FHIT: variants seen among roughly 807,000 people sequenced by gnomAD.
FHIT encodes fragile histidine triad diadenosine triphosphatase.
FHIT carries 19 observed loss-of-function variants against 17.9 expected under a neutral mutation model. The ratio of observed to expected loss-of-function variants is 1.06; its 90% confidence interval spans 0.74 to 1.56. FHIT has a LOEUF of 1.56. FHIT is among the 40% of genes most tolerant of loss of function. FHIT has a pLI of 0.00. For missense variants in FHIT, 248 were observed against 189.2 expected (o/e 1.31, Z -1.82); for synonymous variants, 81 against 69.7 (o/e 1.16, Z -0.81).
chr3:59,857,708 T>TTTTTTTTTTG (rs1553697973), intron 8 of FHIT, among the ~76,000 whole-genome samples: 2 of 145,222 alleles, frequency 1.4e-5, no homozygotes, highest in African/African-American at 5.2e-5. Flanking sequence ...GTGCTGGGTT[T>TTTTTTTTTTG]TTTTTTTTTT....
chr3:60,638,622 A>C (rs2039649047), intron 4 of FHIT, among the ~76,000 whole-genome samples: 1 of 152,156 alleles, frequency 6.6e-6, no homozygotes, highest in South Asian at 2.1e-4. Context: ...AGGTGATTCC[A>C]CTGTGGAGCA....
At chr3:60,545,170 C>A (rs1476343201) in intron 4 of FHIT, among the ~76,000 whole-genome samples, 2 of 150,732 alleles carry the variant, frequency 1.3e-5, no homozygotes, top group East Asian at 1.9e-4. Flanking sequence ...AACTTATATT[C>A]TTTTTACTGG....
intron 2 of FHIT, among the ~76,000 whole-genome samples, chr3:61,153,112 C>T (rs2037440721): frequency 7.0e-6 from 1 of 143,512 alleles, no homozygotes; most frequent in Non-Finnish European, 1.5e-5. Flanking sequence ...TACTGTACTC[C>T]AGCCTGGGTG....
At chr3:61,117,166 A>G (rs537904981) in intron 2 of FHIT, among the ~76,000 whole-genome samples, 16 of 152,322 alleles carry the variant, frequency 1.1e-4, no homozygotes, top group African/African-American at 3.8e-4. Flanking sequence ...ACAAATAGAA[A>G]ATGGAAGAGT....
At chr3:60,663,512 T>C (rs1362377317) in intron 4 of FHIT, among the ~76,000 whole-genome samples, 2 of 152,088 alleles carry the variant, frequency 1.3e-5, no homozygotes, top group Admixed American at 1.3e-4. Flanking sequence ...CTCGGCTCAC[T>C]GCAACCTCCA....
intron 4 of FHIT, among the ~76,000 whole-genome samples, chr3:60,559,869 G>A (rs180998): frequency 0.23 from 35,388 of 152,052 alleles, 4,552 homozygotes; most frequent in Non-Finnish European, 0.29. Context: ...TAAGATGTTG[G>A]AGTCTTCCTG....
chr3:61,096,297 C>T (rs1576004599), intron 2 of FHIT, among the ~76,000 whole-genome samples: 1 of 152,180 alleles, frequency 6.6e-6, no homozygotes, highest in Admixed American at 6.5e-5. Flanking sequence ...GACACAGGCA[C>T]AAAGTTCCTG....
At chr3:60,567,231 A>G (rs2107654493) in intron 4 of FHIT, among the ~76,000 whole-genome samples, 1 of 152,264 alleles carries the variant, frequency 6.6e-6, no homozygotes, top group East Asian at 1.9e-4. Context: ...TACAGTAACC[A>G]AAACAGCATG....
At chr3:59,978,612 A>G (rs529546641) in intron 7 of FHIT, among the ~76,000 whole-genome samples, 2 of 151,596 alleles carry the variant, frequency 1.3e-5, no homozygotes, top group South Asian at 4.2e-4. Flanking sequence ...GTAGAAGTTT[A>G]GAAACAACGG....
At chr3:60,092,049 G>A (rs900263941) in intron 5 of FHIT, among the ~76,000 whole-genome samples, 6 of 152,210 alleles carry the variant, frequency 3.9e-5, no homozygotes, top group South Asian at 2.1e-4. Flanking sequence ...CTGGTGAGTC[G>A]TAGAAGACAA....
intron 5 of FHIT, among the ~76,000 whole-genome samples, chr3:60,350,055 G>A (rs1357541539): frequency 6.6e-6 from 1 of 152,144 alleles, no homozygotes; most frequent in African/African-American, 2.4e-5. Flanking sequence ...CACCAGAAAT[G>A]CTGTAAGTAA....
At chr3:61,043,672 C>T (rs771642168) in intron 2 of FHIT, among the ~76,000 whole-genome samples, 1 of 152,214 alleles carries the variant, frequency 6.6e-6, no homozygotes, top group African/African-American at 2.4e-5. Flanking sequence ...AATGGACAGA[C>T]TGCCTCTTCA....
chr3:61,125,712 T>C (rs1399385492), intron 2 of FHIT, among the ~76,000 whole-genome samples: 2 of 152,232 alleles, frequency 1.3e-5, no homozygotes, highest in African/African-American at 4.8e-5. Context: ...TGTGCTCAAG[T>C]GTCCCCTTTT....
intron 5 of FHIT, among the ~76,000 whole-genome samples, chr3:60,309,482 A>G (rs532508567): frequency 1.3e-5 from 2 of 152,226 alleles, no homozygotes; most frequent in Non-Finnish European, 2.9e-5. Flanking sequence ...GATGACGACA[A>G]AACTTTTTGT....
intron 7 of FHIT, among the ~76,000 whole-genome samples, chr3:60,001,277 T>A (rs140217374): frequency 1.6e-3 from 240 of 152,320 alleles, no homozygotes; most frequent in African/African-American, 5.7e-3. Flanking sequence ...TAAACACTTA[T>A]TGGAGTAATA....
At chr3:60,930,297 TAG>T (rs1553771337) in intron 3 of FHIT, among the ~76,000 whole-genome samples, 1 of 152,176 alleles carries the variant, frequency 6.6e-6, no homozygotes, top group Non-Finnish European at 1.5e-5. Context: ...ATTTAGGACA[TAG>T]GCATGGGCAA....
intron 5 of FHIT, among the ~76,000 whole-genome samples, chr3:60,366,712 T>C (rs1267832863): frequency 3.9e-5 from 6 of 152,200 alleles, no homozygotes; most frequent in South Asian, 2.1e-4. Context: ...GCTGACATCA[T>C]GGTCTTGGAC....
chr3:61,202,820 G>A (rs2039070295), intron 1 of FHIT, among the ~76,000 whole-genome samples: 1 of 152,140 alleles, frequency 6.6e-6, no homozygotes, highest in Admixed American at 6.5e-5. Context: ...GGGACACCAA[G>A]GCAGGCAGAT....
intron 4 of FHIT, among the ~76,000 whole-genome samples, chr3:60,636,483 A>T (rs969872108): frequency 1.3e-5 from 2 of 152,200 alleles, no homozygotes; most frequent in Non-Finnish European, 2.9e-5. Flanking sequence ...GAGCTGGATA[A>T]ATTCCTATGG....
Sources: allele counts gnomAD v4.1 joint callset (sites outside exome capture counted in the v4.1 genomes callset), GRCh38; gene constraint gnomAD v4.1.1; transcripts MANE v1.5; gene names NCBI Gene and HGNC (gene_info 2026-07-23, HGNC 2026-07-21).